The following SLC30A8 variants were observed in gnomAD, a reference collection of about 807,000 sequenced individuals.
The protein encoded by SLC30A8 is solute carrier family 30 member 8, also known as proton-coupled zinc antiporter SLC30A8.
Under a neutral mutation model 36.9 loss-of-function variants are expected in SLC30A8, and 27 were observed. The ratio of observed to expected loss-of-function variants is 0.73; its 90% CI spans 0.54 to 1.01. SLC30A8 has a LOEUF of 1.01. SLC30A8 is among the 50% of genes least tolerant of loss of function. The pLI is 0.00. For synonymous variants in SLC30A8, 164 were observed against 172.4 expected (o/e 0.95, Z 0.38); for missense variants, 439 against 452.0 (o/e 0.97, Z 0.26).
intron 1 of SLC30A8, among the ~76,000 whole-genome samples, chr8:117,027,479 TG>T (rs556286279): frequency 5.6e-4 from 85 of 152,318 alleles, no homozygotes; most frequent in African/African-American, 2.0e-3. Context: ...TGCTTTTTTT[TG>T]TTGTTTATTT....
intron 2 of SLC30A8, among the ~76,000 whole-genome samples, chr8:117,068,684 C>T (rs1024636553): frequency 6.6e-6 from 1 of 152,096 alleles, no homozygotes; most frequent in East Asian, 1.9e-4. Context: ...TCAAGCGATT[C>T]TCCTGCCTCA....
chr8:116,956,896 A>G (rs923863849), intron 1 of SLC30A8, among the ~76,000 whole-genome samples: 2 of 152,232 alleles, frequency 1.3e-5, no homozygotes, highest in Non-Finnish European at 2.9e-5. Context: ...CATCTTATTC[A>G]TAGGCCTTAA....
intron 3 of SLC30A8, among the ~76,000 whole-genome samples, chr8:117,157,363 A>G (rs540731172): frequency 6.6e-6 from 1 of 152,298 alleles, no homozygotes; most frequent in South Asian, 2.1e-4. Context: ...AATAAGTTTC[A>G]ATCATTTTAG....
At chr8:117,050,902 G>A (rs1339368527) in intron 2 of SLC30A8, among the ~76,000 whole-genome samples, 1 of 152,200 alleles carries the variant, frequency 6.6e-6, no homozygotes, top group African/African-American at 2.4e-5. Flanking sequence ...GGCAGGTTGT[G>A]GCATGCCCTT....
In SLC30A8 at chr8:117,171,153, G is replaced by A. The variant is rs1437115060; in HGVS notation, c.949G>A (p.Ala317Thr). 1.2e-6 allele frequency: 2 copies of A among 1,613,500 alleles called. No individual in the cohort carries two copies. The highest frequency in any genetic ancestry group is 1.3e-5 in the African/African-American group (1 of 74,974). The change falls in exon 7 of 8, where the codon GCT (alanine) becomes ACT (threonine). Residue 317 changes from alanine (A) to threonine (T), a missense_variant. Coordinates refer to ENST00000456015, the MANE Select transcript of SLC30A8 (RefSeq NM_173851.3). ...SLTMNQVILS[A>T]HVATAASRDS... ...AACAATGAATCAAGTAATTCTCTCA[G>A]CTCATGTTGCTACAGGTCAGTGAGT... is the stretch of plus-strand genomic sequence containing the variant.
At chr8:117,164,205 T>C (rs1822941398) in intron 6 of SLC30A8, 1 of 152,214 alleles carries the variant, frequency 6.6e-6, no homozygotes, top group African/African-American at 2.4e-5. Flanking sequence ...ATTGTGCCTG[T>C]GAATAGCCAC....
intron 1 of SLC30A8, among the ~76,000 whole-genome samples, chr8:117,145,362 A>G (rs559504942): frequency 1.3e-5 from 2 of 151,080 alleles, no homozygotes; most frequent in African/African-American, 4.8e-5. Flanking sequence ...CTACTTTGTG[A>G]TTTTTTTTTG....
At chr8:116,958,160 G>A (rs1814283291) in intron 1 of SLC30A8, among the ~76,000 whole-genome samples, 2 of 152,320 alleles carry the variant, frequency 1.3e-5, no homozygotes, top group Non-Finnish European at 2.9e-5. Context: ...CGTCAGGGCT[G>A]GACCGCTCTT....
intron 1 of SLC30A8, 171 bp from the exon 2 acceptor site, chr8:117,146,783 T>A (rs1821916882): frequency 3.6e-6 from 5 of 1,408,156 alleles, no homozygotes; most frequent in Non-Finnish European, 3.7e-6. Flanking sequence ...GAAGGAAATT[T>A]CTAGCTTGTT....
chr8:117,129,457 T>G (rs965891249), intron 2 of SLC30A8, among the ~76,000 whole-genome samples: 2 of 152,076 alleles, frequency 1.3e-5, no homozygotes, highest in African/African-American at 4.8e-5. Context: ...TTTCTACTTT[T>G]GTTTCCTTCC....
At chr8:116,972,577 G>GT (rs1182189353) in intron 1 of SLC30A8, among the ~76,000 whole-genome samples, 2 of 152,188 alleles carry the variant, frequency 1.3e-5, no homozygotes, top group African/African-American at 4.8e-5. Context: ...TTCAATGGAT[G>GT]TTTGAGTTTT....
chr8:117,157,649 A>T (rs747113212), intron 3 of SLC30A8, 42 bp from the exon 4 acceptor site: 1 of 1,607,590 alleles, frequency 6.2e-7, no homozygotes, highest in Non-Finnish European at 8.5e-7. Flanking sequence ...TAGGTGATGG[A>T]GTTATCTGTG....
intron 2 of SLC30A8, among the ~76,000 whole-genome samples, chr8:117,148,995 G>A (rs1216631400): frequency 6.6e-6 from 1 of 152,084 alleles, no homozygotes; most frequent in East Asian, 1.9e-4. Flanking sequence ...ACATCACCCT[G>A]TCTTGTGCAG....
chr8:117,072,338 A>G (rs1818357888), intron 2 of SLC30A8, among the ~76,000 whole-genome samples: 1 of 152,204 alleles, frequency 6.6e-6, no homozygotes, highest in African/African-American at 2.4e-5. Flanking sequence ...CATAAAAGAT[A>G]TATGTTAGTT....
chr8:117,120,118 A>G (rs1385651339), intron 2 of SLC30A8, among the ~76,000 whole-genome samples: 2 of 151,990 alleles, frequency 1.3e-5, no homozygotes, highest in African/African-American at 4.8e-5. Context: ...TAGAAAAAAA[A>G]TCCTATAATT....
At position 117,146,962 on chromosome 8, in the gene SLC30A8, T is replaced by C. The variant is rs765261676; in HGVS notation, c.80T>C (p.Leu27Pro). ...MYAFTLESVE[L>P]QQKPVNKDQC... ...GTCAAACTCATCCATAGTGTGGAAC[T>C]CCAACAGAAACCGGTGAATAAAGAT... Residue 27 changes from leucine (L) to proline (P), a missense_variant, in exon 2 of 8, where the codon CTC becomes CCC. Leu to Pro is a moderately conservative substitution (Grantham distance 98, BLOSUM62 -3). Transcript: ENST00000456015. 1.9e-6 allele frequency: 3 copies of C among 1,613,734 alleles called. No homozygotes were observed. The highest frequency in any genetic ancestry group is 2.5e-6 in the Non-Finnish European group (3 of 1,179,930).
In SLC30A8 at chr8:117,033,741, T is replaced by G. The variant is rs1586424013; in HGVS notation, c.-265-5478T>G. 2.0e-5 allele frequency among the ~76,000 whole-genome samples: 3 copies of G among 152,256 alleles called. No homozygotes were observed. The South Asian group carries it at 6.2e-4, about 32-fold the overall frequency. On this transcript the variant is annotated intron_variant, in intron 1 of 10. Coordinates refer to the SLC30A8 transcript ENST00000427715. ...GGATTCTATCAGCTGGTCCTGGCTT[T>G]GAAGATGTAGGGAGGTCAGAACCAA...
intron 3 of SLC30A8, among the ~76,000 whole-genome samples, chr8:117,153,473 T>C (rs73702972): frequency 3.3e-5 from 5 of 152,298 alleles, no homozygotes; most frequent in African/African-American, 1.2e-4. Context: ...AAGAGAGTTA[T>C]AGAGATTGAA....
chr8:117,084,195 G>A (rs73315653), intron 2 of SLC30A8, among the ~76,000 whole-genome samples: 14,419 of 152,070 alleles, frequency 0.095, 1,110 homozygotes, highest in African/African-American at 0.22. Flanking sequence ...TAATGAGGTG[G>A]GGGGACAAGC....
Sources: allele counts gnomAD v4.1 joint callset (sites outside exome capture counted in the v4.1 genomes callset), GRCh38; gene constraint gnomAD v4.1.1; transcripts MANE v1.5; gene names NCBI Gene and HGNC (gene_info 2026-07-23, HGNC 2026-07-21).